Variants in CCDC93 observed in about 807,000 individuals in gnomAD.
CCDC93 encodes the protein CCC complex scaffolding subunit CCDC93.
A neutral mutation model predicts 108.2 loss-of-function variants in CCDC93; 61 were observed. That is an observed-to-expected ratio of 0.56 (90% CI 0.46 to 0.70). The LOEUF (loss-of-function observed/expected upper bound fraction) is 0.70. Ranked by LOEUF, CCDC93 falls within the 30% of genes least tolerant of loss-of-function variation. The pLI is 0.00. For synonymous variants in CCDC93, 276 were observed against 260.4 expected, an observed-to-expected ratio of 1.06 and a Z score of -0.58; for missense variants, 685 against 764.2, an observed-to-expected ratio of 0.90 and a Z score of 1.22.
chr2:117,954,008 C>T (rs1400862281), intron 12 of CCDC93, among the ~76,000 whole-genome samples: 1 of 152,146 alleles, frequency 6.6e-6, no homozygotes, highest in Non-Finnish European at 1.5e-5. Flanking sequence ...GTTGGTGCCT[C>T]GATCTTGGAC....
In CCDC93 at chr2:117,915,974, G is replaced by A. The variant is rs1186319682; in HGVS notation, c.*4369C>T. ...TGTATTTAACCATTCCCCTGTATTGGTGGCACTCTCCAACTTTTTGCTATT... is the reference window on the plus strand; with the variant it reads ...TGTATTTAACCATTCCCCTGTATTGATGGCACTCTCCAACTTTTTGCTATT... On this transcript the variant is annotated 3_prime_UTR_variant, in exon 24 of 24. Transcript: ENST00000376300. The A allele has an allele frequency of 1.3e-5, 2 of 152,130 alleles. No homozygotes were observed. The highest frequency in any genetic ancestry group is 4.8e-5 in the African/African-American group (2 of 41,434). 9.4% of individuals were successfully genotyped at this position (152,130 alleles called of 1,614,324 possible). A position where few individuals can be genotyped will look rare whatever the true frequency, so the allele number is the denominator to read the frequency against.
At chr2:117,937,018 C>T (rs2104723338) in intron 20 of CCDC93, 1 of 445,200 alleles carries the variant, frequency 2.2e-6, no homozygotes. Context: ...GAACTGGATC[C>T]CAGCTGAGAG....
At chr2:117,993,967 C>T (rs1241498399) in intron 6 of CCDC93, among the ~76,000 whole-genome samples, 2 of 152,160 alleles carry the variant, frequency 1.3e-5, no homozygotes, top group Admixed American at 6.5e-5. Context: ...CTCCTGACCT[C>T]GTGATCCACC....
At chr2:117,976,238 A>G (rs1679939886) in intron 8 of CCDC93, among the ~76,000 whole-genome samples, 1 of 152,174 alleles carries the variant, frequency 6.6e-6, no homozygotes, top group South Asian at 2.1e-4. Context: ...ATGACAGGAC[A>G]AGCACAATTT....
At chr2:117,964,754 A>G (rs1679501068) in intron 11 of CCDC93, among the ~76,000 whole-genome samples, 1 of 152,116 alleles carries the variant, frequency 6.6e-6, no homozygotes, top group Non-Finnish European at 1.5e-5. Flanking sequence ...ACATGTCACT[A>G]TACCCAAGTA....
intron 20 of CCDC93, among the ~76,000 whole-genome samples, chr2:117,938,555 G>GA (rs36126432): frequency 0.36 from 49,531 of 137,748 alleles, 9,351 homozygotes; most frequent in East Asian, 0.65. Flanking sequence ...AAAAAGACAA[G>GA]AAAAAAAAAA....
At chr2:117,939,170 C>A in intron 19 of CCDC93, 59 bp from the exon 20 acceptor site, 1 of 1,003,180 alleles carries the variant, frequency 1.0e-6, no homozygotes, top group Non-Finnish European at 1.6e-6. Flanking sequence ...ACCCTACCTG[C>A]CCCTCTCCTC....
intron 23 of CCDC93, among the ~76,000 whole-genome samples, 189 bp from the exon 24 acceptor site, chr2:117,920,585 A>G (rs895897147): frequency 3.9e-5 from 6 of 152,186 alleles, no homozygotes; most frequent in African/African-American, 1.4e-4. Flanking sequence ...CAATATAACT[A>G]TAATGATGCT....
intron 7 of CCDC93, among the ~76,000 whole-genome samples, chr2:117,982,552 T>C (rs1680178482): frequency 6.6e-6 from 1 of 152,158 alleles, no homozygotes; most frequent in Non-Finnish European, 1.5e-5. Context: ...GGGAAGGAGA[T>C]GGAATGCGGA....
At chr2:117,960,025 T>C (rs1324522017) in intron 11 of CCDC93, among the ~76,000 whole-genome samples, 5 of 152,220 alleles carry the variant, frequency 3.3e-5, no homozygotes, top group Admixed American at 3.3e-4. Flanking sequence ...TCTACTTTGA[T>C]TGGATTGACC....
intron 11 of CCDC93, among the ~76,000 whole-genome samples, chr2:117,970,880 G>A (rs562728692): frequency 1.9e-4 from 29 of 152,254 alleles, no homozygotes; most frequent in South Asian, 8.3e-4. Context: ...AGTATTTTAC[G>A]TAGTTGTAAC....
intron 1 of CCDC93, among the ~76,000 whole-genome samples, chr2:118,013,614 G>A (rs1405315934): frequency 6.6e-6 from 1 of 152,194 alleles, no homozygotes; most frequent in Non-Finnish European, 1.5e-5. Context: ...GCGGCGCGGG[G>A]TGGGGGAGCC....
chr2:118,005,023 T>TA (rs1368522930), intron 3 of CCDC93, among the ~76,000 whole-genome samples: 1 of 152,188 alleles, frequency 6.6e-6, no homozygotes, highest in African/African-American at 2.4e-5. Flanking sequence ...GTGGGATCAA[T>TA]AAAGCTATAA....
At chr2:118,001,108 G>A in intron 3 of CCDC93, 176 bp from the exon 4 acceptor site, 3 of 522,062 alleles carry the variant, frequency 5.7e-6, no homozygotes, top group Non-Finnish European at 6.8e-6. Context: ...ACAATTTGGT[G>A]GTGTGTAGGT....
At chr2:117,928,625 T>C (rs529052777) in intron 23 of CCDC93, among the ~76,000 whole-genome samples, 4 of 151,856 alleles carry the variant, frequency 2.6e-5, no homozygotes, top group Non-Finnish European at 5.9e-5. Flanking sequence ...TGCTGGAGAG[T>C]ATGTGGAGAA....
intron 6 of CCDC93, among the ~76,000 whole-genome samples, chr2:117,992,175 T>C (rs1411780908): frequency 1.3e-5 from 2 of 152,228 alleles, no homozygotes; most frequent in African/African-American, 4.8e-5. Context: ...TTAAGTTCAC[T>C]CATAAAAAAG....
chr2:118,008,486 T>C (rs546107699), intron 2 of CCDC93, 59 bp downstream of exon 2: 3 of 952,894 alleles, frequency 3.1e-6, no homozygotes, highest in Admixed American at 4.4e-5. Context: ...TTCTTTGCCA[T>C]GATTAACCAT....
chr2:117,991,221 A>C (rs1680466044), intron 6 of CCDC93, among the ~76,000 whole-genome samples: 2 of 152,198 alleles, frequency 1.3e-5, no homozygotes, highest in Non-Finnish European at 2.9e-5. Flanking sequence ...GACAGCTCCC[A>C]CCTGGCATCC....
intron 3 of CCDC93, among the ~76,000 whole-genome samples, chr2:118,004,548 C>G (rs1483593220): frequency 2.0e-5 from 3 of 152,228 alleles, no homozygotes; most frequent in African/African-American, 7.2e-5. Context: ...AAACATAAGG[C>G]AGTTTTAGTC....
Sources: gnomAD v4.1 joint callset for allele counts (sites outside exome capture counted in the v4.1 genomes callset) on GRCh38, gnomAD v4.1.1 for gene constraint, MANE v1.5 for transcripts, NCBI Gene and HGNC (gene_info 2026-07-23, HGNC 2026-07-21) for gene names.